The following ARHGAP6 variants were observed in gnomAD, a reference collection of about 807,000 sequenced individuals.
ARHGAP6 encodes rho GTPase-activating protein 6.
Under a neutral mutation model 55.7 loss-of-function variants are expected in ARHGAP6, and 16 were observed. That is an observed-to-expected ratio of 0.29 (90% CI 0.19 to 0.44). The LOEUF is 0.44. Among genes scored for constraint, ARHGAP6 ranks in the 20% least tolerant of loss-of-function variants. ARHGAP6 has a pLI of 1.00. For missense variants in ARHGAP6, 698 were observed against 808.9 expected, an observed-to-expected ratio of 0.86 and a Z score of 1.66; for synonymous variants, 382 against 360.9, an observed-to-expected ratio of 1.06 and a Z score of -0.66.
At position 11,621,003 on chromosome X, in the gene ARHGAP6, T is replaced by C. The variant is rs1217282262; in HGVS notation, c.588+43238A>G. 3.6e-5 allele frequency among the ~76,000 whole-genome samples: 4 copies of C among 112,184 alleles called. No individual in the cohort carries two copies. In the Admixed American group the frequency reaches 3.8e-4, roughly 11 times the overall value. On this transcript the variant is annotated intron_variant, in intron 1 of 12. Coordinates refer to ENST00000337414, the MANE Select transcript of ARHGAP6 (RefSeq NM_013427.3). ...GATCTGAAACAAGCTGCTCCTGGCC[T>C]GGAGACTGGCTCTGCATTATTTTAC...
At chrX:11,235,437 T>G (rs75314781) in intron 2 of ARHGAP6, among the ~76,000 whole-genome samples, 5 of 111,145 alleles carry the variant, frequency 4.5e-5, no homozygotes, top group Admixed American at 1.9e-4. Context: ...TGGGAGGGGC[T>G]GCCGTGCAGG....
chrX:11,432,352 T>C (rs1245369473), intron 1 of ARHGAP6, among the ~76,000 whole-genome samples: 4 of 112,418 alleles, frequency 3.6e-5, no homozygotes, highest in Non-Finnish European at 7.5e-5. Flanking sequence ...TTGTAACTGT[T>C]GATGGACATT....
chrX:11,573,631 C>A (rs1250684966), intron 1 of ARHGAP6, among the ~76,000 whole-genome samples: 2 of 110,711 alleles, frequency 1.8e-5, no homozygotes, highest in Admixed American at 1.9e-4. Flanking sequence ...ATGCCTCCAG[C>A]TTTGTTCTTT....
intron 1 of ARHGAP6, among the ~76,000 whole-genome samples, chrX:11,584,233 C>A (rs1330149493): frequency 1.8e-5 from 2 of 111,622 alleles, no homozygotes; most frequent in Non-Finnish European, 3.8e-5. Context: ...CAAACACAAC[C>A]AAGAAACAAA....
At chrX:11,463,883 G>A (rs765932927) in intron 1 of ARHGAP6, among the ~76,000 whole-genome samples, 3 of 112,139 alleles carry the variant, frequency 2.7e-5, no homozygotes, top group East Asian at 2.8e-4. Flanking sequence ...CAACTGCTTC[G>A]TAGTTGGCTG....
At chrX:11,443,079 A>C (rs2050056229) in intron 1 of ARHGAP6, among the ~76,000 whole-genome samples, 1 of 112,090 alleles carries the variant, frequency 8.9e-6, no homozygotes, top group Non-Finnish European at 1.9e-5. Flanking sequence ...AATCATGAAG[A>C]GTCCTCTCCT....
At chrX:11,536,783 A>G (rs1409596342) in intron 1 of ARHGAP6, among the ~76,000 whole-genome samples, 2 of 112,509 alleles carry the variant, frequency 1.8e-5, no homozygotes, top group African/African-American at 6.5e-5. Flanking sequence ...TGATATTTGA[A>G]TTTTTTACTG....
chrX:11,641,446 A>C (rs1376670999), intron 1 of ARHGAP6, among the ~76,000 whole-genome samples: 1 of 111,727 alleles, frequency 9.0e-6, no homozygotes, highest in African/African-American at 3.2e-5. Flanking sequence ...AACGGTGGCT[A>C]GTATCTCAAA....
chrX:11,467,167 G>T (rs1157964005), intron 1 of ARHGAP6, among the ~76,000 whole-genome samples: 1 of 111,701 alleles, frequency 9.0e-6, no homozygotes, highest in Non-Finnish European at 1.9e-5. Context: ...AGCCAGGCAT[G>T]GTGGCTCATG....
intron 1 of ARHGAP6, among the ~76,000 whole-genome samples, chrX:11,603,391 C>T (rs2147144822): frequency 8.9e-6 from 1 of 111,859 alleles, no homozygotes. Context: ...TGCTTTTTCA[C>T]ACAAAACAAG....
intron 1 of ARHGAP6, among the ~76,000 whole-genome samples, chrX:11,443,190 G>T (rs2050057767): frequency 8.9e-6 from 1 of 112,116 alleles, no homozygotes; most frequent in Non-Finnish European, 1.9e-5. Context: ...TTTTTTGTCT[G>T]GTTTCTCTTG....
At chrX:11,402,356 A>G (rs746782182) in intron 1 of ARHGAP6, among the ~76,000 whole-genome samples, 31 of 111,646 alleles carry the variant, frequency 2.8e-4, no homozygotes, top group African/African-American at 9.4e-4. Flanking sequence ...TCAAAACATA[A>G]AAGACTGTGA....
intron 1 of ARHGAP6, among the ~76,000 whole-genome samples, chrX:11,276,050 C>G (rs183671599): frequency 9.0e-6 from 1 of 111,628 alleles, no homozygotes; most frequent in Non-Finnish European, 1.9e-5. Context: ...CTGCTTCTTT[C>G]AAGGTTCCAA....
At chrX:11,344,157 C>T (rs2048741373) in intron 1 of ARHGAP6, among the ~76,000 whole-genome samples, 1 of 111,399 alleles carries the variant, frequency 9.0e-6, no homozygotes, top group Admixed American at 9.5e-5. Context: ...CATTATTGAC[C>T]TTTGGGGCCA....
At chrX:11,295,830 T>A (rs958165567) in intron 1 of ARHGAP6, among the ~76,000 whole-genome samples, 5 of 111,648 alleles carry the variant, frequency 4.5e-5, no homozygotes, top group South Asian at 3.8e-4. Context: ...CCATGAAATG[T>A]GAGCATTTTT....
chrX:11,548,281 C>T (rs2051231879), intron 1 of ARHGAP6, among the ~76,000 whole-genome samples: 3 of 111,867 alleles, frequency 2.7e-5, no homozygotes, highest in Admixed American at 1.9e-4. Flanking sequence ...ATCCTCTCTC[C>T]TAGTTTTTTG....
rs1461906711 is a variant in ARHGAP6, at chrX:11,390,876, C to T, written c.589-136169G>A. 5.4e-5 allele frequency among the ~76,000 whole-genome samples: 6 copies of T among 112,043 alleles called. No homozygotes were observed. In the Admixed American group the frequency reaches 5.6e-4, roughly 11 times the overall value. On this transcript the variant is annotated intron_variant, in intron 1 of 12. Coordinates refer to ENST00000337414, the MANE Select transcript of ARHGAP6 (RefSeq NM_013427.3). The stretch of plus-strand genomic sequence containing the variant: ...TTTACACTGTTGGTGGGACTGTAAA[C>T]TAGTTCAACCATTGTGGAAGACAGT...
At chrX:11,362,973 C>A (rs968983781) in intron 1 of ARHGAP6, among the ~76,000 whole-genome samples, 2 of 111,637 alleles carry the variant, frequency 1.8e-5, no homozygotes, top group East Asian at 5.6e-4. Context: ...TACACACATG[C>A]GCATATAAAA....
chrX:11,324,941 C>A lies in ARHGAP6; in HGVS notation c.589-70234G>T, dbSNP rs754849547. On this transcript the variant is annotated intron_variant, in intron 1 of 12. Transcript: ENST00000337414. ...TGGCGCAATCTCGACTCACTGCAAG[C>A]TCCGCTTCCCGGGTTCACGCCATTC... Among the ~76,000 whole-genome samples, 7 of 112,141 alleles carry A rather than the reference C, an allele frequency of 6.2e-5. No homozygotes were observed. In the South Asian group the frequency reaches 2.2e-3, roughly 36 times the overall value.
Sources: gnomAD v4.1 joint callset for allele counts (sites outside exome capture counted in the v4.1 genomes callset) on GRCh38, gnomAD v4.1.1 for gene constraint, MANE v1.5 for transcripts, NCBI Gene and HGNC (gene_info 2026-07-23, HGNC 2026-07-21) for gene names.